DPP10: variants seen among roughly 807,000 people sequenced by gnomAD.
DPP10 encodes the protein dipeptidyl peptidase like 10, also known as inactive dipeptidyl peptidase 10.
DPP10 carries 33 observed loss-of-function variants against 120.9 expected under a neutral mutation model. The ratio of observed to expected loss-of-function variants is 0.27; its 90% CI spans 0.21 to 0.37. The LOEUF (loss-of-function observed/expected upper bound fraction) is 0.37, where lower values mean the gene tolerates loss of function less well. DPP10 is among the 10% of genes least tolerant of loss of function. The probability of loss-of-function intolerance (pLI) is 1.00; values close to 1 mark genes in which losing one functional copy is unlikely to be tolerated. For missense variants in DPP10, 816 were observed against 942.8 expected (o/e 0.87, Z 1.76); for synonymous variants, 337 against 326.1 (o/e 1.03, Z -0.36).
intron 7 of DPP10, among the ~76,000 whole-genome samples, chr2:115,699,609 A>C (rs538110317): frequency 3.3e-5 from 5 of 152,336 alleles, no homozygotes; most frequent in African/African-American, 1.2e-4. Flanking sequence ...ACTTTGTCTC[A>C]AAAAGAAAAA....
At chr2:114,618,519 ACACT>A (rs1240732607) in intron 1 of DPP10, among the ~76,000 whole-genome samples, 1 of 152,054 alleles carries the variant, frequency 6.6e-6, no homozygotes, top group African/African-American at 2.4e-5. Context: ...TTCAGGAAAC[ACACT>A]CAATACTCTA....
At chr2:114,662,382 A>G (rs902874718) in intron 1 of DPP10, among the ~76,000 whole-genome samples, 11 of 152,076 alleles carry the variant, frequency 7.2e-5, no homozygotes, top group Non-Finnish European at 1.6e-4. Context: ...AGAAGCTTCC[A>G]CTCTGCCCGC....
chr2:115,121,594 G>A (rs2049827484), intron 1 of DPP10, among the ~76,000 whole-genome samples: 7 of 152,204 alleles, frequency 4.6e-5, no homozygotes, highest in South Asian at 4.1e-4. Flanking sequence ...AGAGGGGGCA[G>A]GCTATGTGGG....
At chr2:115,414,398 T>C (rs2069202578) in intron 3 of DPP10, among the ~76,000 whole-genome samples, 2 of 152,086 alleles carry the variant, frequency 1.3e-5, no homozygotes, top group Non-Finnish European at 1.5e-5. Context: ...ACATTTTCCA[T>C]CATCTTTTAT....
intron 3 of DPP10, among the ~76,000 whole-genome samples, chr2:115,390,589 T>G (rs2067251772): frequency 6.6e-6 from 1 of 152,136 alleles, no homozygotes; most frequent in Non-Finnish European, 1.5e-5. Flanking sequence ...TTTCTCAGCA[T>G]ACCAATTTTC....
At chr2:115,135,245 T>G (rs547128509) in intron 1 of DPP10, among the ~76,000 whole-genome samples, 5 of 149,604 alleles carry the variant, frequency 3.3e-5, no homozygotes, top group African/African-American at 1.2e-4. Flanking sequence ...CCTTGAGATA[T>G]ATATATATAT....
chr2:114,742,356 A>G (rs1281733748), intron 1 of DPP10, among the ~76,000 whole-genome samples: 1 of 152,222 alleles, frequency 6.6e-6, no homozygotes, highest in Non-Finnish European at 1.5e-5. Context: ...AAAACTAAAA[A>G]ATATTTGGCA....
At chr2:114,993,535 T>A (rs1402362129) in intron 1 of DPP10, among the ~76,000 whole-genome samples, 1 of 145,712 alleles carries the variant, frequency 6.9e-6, no homozygotes, top group Admixed American at 7.0e-5. Flanking sequence ...GGTTGTAAAT[T>A]CAATGTAGAT....
chr2:115,677,406 G>A (rs1174282825), intron 5 of DPP10, among the ~76,000 whole-genome samples: 5 of 113,322 alleles, frequency 4.4e-5, no homozygotes, highest in South Asian at 2.9e-4. Flanking sequence ...AAAAATGATA[G>A]GAGTAAGTTT....
chr2:115,535,446 G>A (rs899285288), intron 5 of DPP10, among the ~76,000 whole-genome samples: 1 of 151,886 alleles, frequency 6.6e-6, no homozygotes, highest in Non-Finnish European at 1.5e-5. Flanking sequence ...TATTTCTGAG[G>A]GCTCTGTTCT....
At chr2:115,151,932 TAGATTAG>T (rs1203349582) in intron 1 of DPP10, among the ~76,000 whole-genome samples, 2 of 152,120 alleles carry the variant, frequency 1.3e-5, no homozygotes, top group Non-Finnish European at 2.9e-5. Flanking sequence ...ATTTTCCTTC[TAGATTAG>T]TCTTATTCCT....
intron 1 of DPP10, among the ~76,000 whole-genome samples, chr2:114,656,683 T>C (rs1407041328): frequency 6.6e-6 from 1 of 152,132 alleles, no homozygotes; most frequent in East Asian, 1.9e-4. Context: ...ACTGGTATAG[T>C]ATGTTTGTGC....
intron 1 of DPP10, among the ~76,000 whole-genome samples, chr2:115,211,930 G>A (rs544558087): frequency 3.9e-5 from 6 of 152,210 alleles, no homozygotes; most frequent in Admixed American, 2.6e-4. Flanking sequence ...TGCTGTGACT[G>A]TTTAGCTCCT....
At chr2:115,732,399 C>T (rs1327343440) in intron 8 of DPP10, among the ~76,000 whole-genome samples, 1 of 152,030 alleles carries the variant, frequency 6.6e-6, no homozygotes, top group African/African-American at 2.4e-5. Flanking sequence ...GAATCTTTGT[C>T]TCTATTTTTA....
In DPP10 at chr2:114,961,572, C is replaced by T. The variant is rs938535688; in HGVS notation, c.61-347667C>T. Reference sequence around the variant, plus strand: ...AACTTTTATCACATTGTGATTGTACCTTTGTGTTTGTGTTTGAGAGTGTTT... The same window carrying T: ...AACTTTTATCACATTGTGATTGTACTTTTGTGTTTGTGTTTGAGAGTGTTT... On this transcript the variant is annotated intron_variant, in intron 1 of 25. Coordinates refer to ENST00000410059, the MANE Select transcript of DPP10 (RefSeq NM_020868.6). 4.0e-5 allele frequency among the ~76,000 whole-genome samples: 6 copies of T among 151,754 alleles called. No individual in the cohort carries two copies. The East Asian group carries it at 1.2e-3, about 29-fold the overall frequency.
intron 1 of DPP10, among the ~76,000 whole-genome samples, chr2:114,772,968 T>TG (rs1338923866): frequency 6.6e-6 from 1 of 152,168 alleles, no homozygotes; most frequent in African/African-American, 2.4e-5. Context: ...TTATGAAATT[T>TG]GGGGGATTAA....
rs573190728 is a variant in DPP10, at chr2:115,457,405, AACTTG to A, written c.272-42100_272-42096del. On this transcript the variant is annotated intron_variant, in intron 3 of 25. Coordinates refer to ENST00000410059, the MANE Select transcript of DPP10 (RefSeq NM_020868.6). ...TCATTCATAAAAGTGAAAATTAATAAACTTGACTTATTGCTAAGAGAATGAAAAGT... is the reference window on the plus strand; with the variant it reads ...TCATTCATAAAAGTGAAAATTAATAAACTTATTGCTAAGAGAATGAAAAGT... 2.0e-3 allele frequency among the ~76,000 whole-genome samples: 310 copies of A among 152,294 alleles called. 4 individuals carry two copies. The South Asian group carries it at 0.029, about 14-fold the overall frequency.
chr2:115,521,117 A>G (rs1043440495), intron 4 of DPP10, among the ~76,000 whole-genome samples: 1 of 152,206 alleles, frequency 6.6e-6, no homozygotes, highest in Non-Finnish European at 1.5e-5. Flanking sequence ...GGAAAAGGGA[A>G]AGGTGAAGGT....
rs775985067 is a variant in DPP10 at position 115,088,768 on chromosome 2, A to AAAAAAAACAAAAC, written c.61-220470_61-220469insAAAAAACAAAACA. On this transcript the variant is annotated intron_variant, in intron 1 of 25. Transcript: ENST00000410059. ...TGCCTGACAAAAAAAAAAAAAAAAA[A>AAAAAAAACAAAAC]ACCAAAAAACAAAAAAAACCTTAAA... Among the ~76,000 whole-genome samples, 11 of 134,936 alleles carry AAAAAAAACAAAAC rather than the reference A, an allele frequency of 8.2e-5. 1 individual carries two copies. In the East Asian group the frequency reaches 2.2e-3, roughly 28 times the overall value. The allele number at this position is 134,936 out of a possible 152,430, so 88.5% of individuals were successfully genotyped here.
Sources: allele counts gnomAD v4.1 joint callset (sites outside exome capture counted in the v4.1 genomes callset), GRCh38; gene constraint gnomAD v4.1.1; transcripts MANE v1.5; gene names NCBI Gene and HGNC (gene_info 2026-07-23, HGNC 2026-07-21).